Variants in PRSS58 observed in about 807,000 individuals in gnomAD.
PRSS58 encodes the protein serine protease 58.
Under a neutral mutation model 25.0 loss-of-function variants are expected in PRSS58, and 31 were observed. The ratio of observed to expected loss-of-function variants is 1.24; its 90% CI spans 0.93 to 1.67. The LOEUF (loss-of-function observed/expected upper bound fraction) is 1.67, where lower values mean the gene tolerates loss of function less well. PRSS58 is among the 40% of genes most tolerant of loss of function. PRSS58 has a pLI of 0.00. For missense variants in PRSS58, 324 were observed against 287.9 expected, an observed-to-expected ratio of 1.13 and a Z score of -0.91; for synonymous variants, 119 against 106.1, an observed-to-expected ratio of 1.12 and a Z score of -0.75.
chr7:142,252,704 T>C, intron 4 of PRSS58, 93 bp from the exon 5 acceptor site: 1 of 1,339,182 alleles, frequency 7.5e-7, no homozygotes, highest in Non-Finnish European at 1.0e-6. Context: ...CATCAGAAAT[T>C]AAAAGAGATC....
intron 2 of PRSS58, 75 bp downstream of exon 2, chr7:142,257,593 C>G (rs143636658): frequency 2.4e-6 from 3 of 1,275,666 alleles, no homozygotes; most frequent in Non-Finnish European, 3.4e-6. Context: ...TGATGCCTCT[C>G]GCTGTTACCC....
chr7:142,256,521 T>G (rs1215874826), intron 2 of PRSS58, among the ~76,000 whole-genome samples: 1 of 152,192 alleles, frequency 6.6e-6, no homozygotes, highest in East Asian at 1.9e-4. Context: ...TGGAGTGCAG[T>G]GGCAAGATCA....
At chr7:142,254,954 G>C in intron 4 of PRSS58, 101 bp downstream of exon 4, 1 of 1,176,866 alleles carries the variant, frequency 8.5e-7, no homozygotes, top group Non-Finnish European at 1.2e-6. Context: ...GGGGGAAAGA[G>C]GTTAGAAGAA....
At position 142,256,762 on chromosome 7, in the gene PRSS58, A is replaced by G. The variant is rs148202645; in HGVS notation, c.40+906T>C. Reference sequence around the variant, plus strand: ...AGGCATGAGCCATTACTCCAGTCTCAGGTAATATTAAACCAGTCATCAGAG... The same window carrying G: ...AGGCATGAGCCATTACTCCAGTCTCGGGTAATATTAAACCAGTCATCAGAG... On this transcript the variant is annotated intron_variant, in intron 2 of 5. Coordinates refer to ENST00000547058, the MANE Select transcript of PRSS58 (RefSeq NM_001001317.5). 2.0e-4 allele frequency among the ~76,000 whole-genome samples: 31 copies of G among 152,274 alleles called. No homozygotes were observed. The East Asian group carries it at 6.0e-3, about 29-fold the overall frequency.
At chr7:142,253,628 A>G (rs1265036061) in intron 4 of PRSS58, among the ~76,000 whole-genome samples, 1 of 143,014 alleles carries the variant, frequency 7.0e-6, no homozygotes, top group Non-Finnish European at 1.5e-5. Flanking sequence ...TAATGTTTTT[A>G]TTTGAAAATA....
In PRSS58 at chr7:142,255,682, A is replaced by G. The variant is rs1471883864; in HGVS notation, c.41-9T>C. 1.3e-6 allele frequency: 2 copies of G among 1,590,542 alleles called. No homozygotes were observed. The highest frequency in any genetic ancestry group is 1.4e-5 in the African/African-American group (1 of 74,014). ...ATTAAAGGCCAAAGCAACTGGAAAG[A>G]GAAGCATAGACAAGAAATTCCAAGA... is the stretch of plus-strand genomic sequence containing the variant. On this transcript the variant is annotated splice_polypyrimidine_tract_variant and intron_variant, in intron 2 of 5. Coordinates refer to ENST00000547058, the MANE Select transcript of PRSS58 (RefSeq NM_001001317.5).
At chr7:142,255,752 G>T in intron 2 of PRSS58, 79 bp from the exon 3 acceptor site, 1 of 1,307,538 alleles carries the variant, frequency 7.6e-7, no homozygotes, top group Non-Finnish European at 1.1e-6. Flanking sequence ...TCATTTAATA[G>T]GCTCCAAGTT....
In PRSS58 at chr7:142,252,356, G is replaced by A; in HGVS notation, c.591C>T (p.Ala197=). 1.9e-6 allele frequency: 3 copies of A among 1,613,476 alleles called. No homozygotes were observed. The South Asian group carries it at 3.3e-5, about 18-fold the overall frequency. The change falls in exon 6 of 6, where the codon GCC becomes GCT. Residue 197 remains alanine, a synonymous_variant. Transcript: ENST00000547058. ...GAAGCATCCCATTGCAGATTGCCGG[G>A]GCAGCAGAAACTTCCTGCCAGGAAA... ...RRQPCKEVSA[A]PAICNGMLQG... is the part of the protein sequence containing the mutation.
intron 2 of PRSS58, 29 bp downstream of exon 2, chr7:142,257,639 G>A (rs1383463905): frequency 6.3e-7 from 1 of 1,582,204 alleles, no homozygotes; most frequent in Non-Finnish European, 8.7e-7. Flanking sequence ...CTCTTTGGTG[G>A]GTAAAGAGAC....
chr7:142,253,827 C>A (rs1799401012), intron 4 of PRSS58, among the ~76,000 whole-genome samples: 1 of 152,050 alleles, frequency 6.6e-6, no homozygotes, highest in Admixed American at 6.6e-5. Flanking sequence ...TATGCCATAA[C>A]CCAGATGAAT....
intron 4 of PRSS58, among the ~76,000 whole-genome samples, chr7:142,253,196 AC>A (rs1798498342): frequency 6.6e-6 from 1 of 152,126 alleles, no homozygotes; most frequent in Admixed American, 6.5e-5. Flanking sequence ...AAACCCAAAA[AC>A]TTTTCTGGAA....
intron 4 of PRSS58, 102 bp from the exon 5 acceptor site, chr7:142,252,713 T>C: frequency 7.9e-7 from 1 of 1,271,486 alleles, no homozygotes; most frequent in Non-Finnish European, 1.1e-6. Context: ...TTAAAAGAGA[T>C]CAAACATTCA....
rs756249398 is a variant in PRSS58, at chr7:142,252,383, CAAT to C, written c.577-16_577-14del. The C allele has an allele frequency of 9.7e-5, 157 of 1,611,288 alleles. No individual in the cohort carries two copies. The highest frequency in any genetic ancestry group is 6.9e-4 in the East Asian group (31 of 44,868). ...CAGCAGAAACTTCCTGCCAGGAAAA[CAAT>C]AATAACAACAACAAAAAAGCAGATT... On this transcript the variant is annotated splice_polypyrimidine_tract_variant and intron_variant, in intron 5 of 5. Transcript: ENST00000547058.
intron 4 of PRSS58, among the ~76,000 whole-genome samples, chr7:142,254,411 A>G (rs557685606): frequency 6.6e-6 from 1 of 152,298 alleles, no homozygotes; most frequent in East Asian, 1.9e-4. Flanking sequence ...CAAAGTTTAG[A>G]TAGACTATCT....
Position 142,255,412 on chromosome 7 carries a change from C to T in PRSS58, c.180-101G>A, listed in dbSNP as rs879485656. On this transcript the variant is annotated intron_variant, in intron 3 of 5. Transcript: ENST00000547058. ...CCCCACAGACCTTTTTCTGTACCCT[C>T]GTATGTCTCCCAAAGGCTTTTCTAA... 73 of 1,575,746 alleles carry T rather than the reference C, an allele frequency of 4.6e-5. 1 individual carries two copies. The Admixed American group carries it at 1.0e-3, about 22-fold the overall frequency.
Position 142,255,498 on chromosome 7 carries a change from C to T in PRSS58, c.179+37G>A, listed in dbSNP as rs759854057. 3.1e-6 allele frequency: 5 copies of T among 1,613,540 alleles called. No individual in the cohort carries two copies. The South Asian group carries it at 5.5e-5, about 18-fold the overall frequency. On this transcript the variant is annotated intron_variant, in intron 3 of 5. Transcript: ENST00000547058. ...GAGAGTCTGTGCCCAACCTGAGAAC[C>T]CAAAGAATGGAGTGCCTTTGAAGGC...
Position 142,252,621 on chromosome 7 carries a change from A to T in PRSS58, c.437-10T>A, listed in dbSNP as rs765918003. On this transcript the variant is annotated splice_polypyrimidine_tract_variant and intron_variant, in intron 4 of 5. Transcript: ENST00000547058. The stretch of plus-strand genomic sequence containing the variant: ...GAATCGGGCTCTTTGTCTAAAGAAA[A>T]GATAGAAGTCAAACTTCCTTAAGAG... 2.6e-5 allele frequency: 41 copies of T among 1,599,960 alleles called. No individual in the cohort carries two copies. The highest frequency in any genetic ancestry group is 3.3e-5 in the Non-Finnish European group (39 of 1,176,806).
At chr7:142,253,642 T>C (rs375191370) in intron 4 of PRSS58, among the ~76,000 whole-genome samples, 170 of 152,266 alleles carry the variant, frequency 1.1e-3, no homozygotes, top group African/African-American at 3.5e-3. Context: ...GAAAATAATG[T>C]ATTAGTTCTT....
Position 142,255,576 on chromosome 7 carries a change from G to C in PRSS58, c.138C>G (p.Ile46Met), listed in dbSNP as rs1563317801. Reference protein sequence around the residue: ...SDYLPCAGVLIHPLWVITAAH... With the variant: ...SDYLPCAGVLMHPLWVITAAH... Reference sequence around the variant, plus strand: ...CAGCTGTGATCACCCAAAGCGGGTGGATCAGGACTCCAGCGCAGGGCAAGT... The same window carrying C: ...CAGCTGTGATCACCCAAAGCGGGTGCATCAGGACTCCAGCGCAGGGCAAGT... The change falls in exon 3 of 6, where the codon ATC (isoleucine) becomes ATG (methionine). Residue 46 changes from isoleucine (I) to methionine (M), a missense_variant. Coordinates refer to ENST00000547058, the MANE Select transcript of PRSS58 (RefSeq NM_001001317.5). 1 of 1,613,982 alleles carries C rather than the reference G, an allele frequency of 6.2e-7. No homozygotes were observed. Among genetic ancestry groups the C allele is most frequent in the Non-Finnish European group, 8.5e-7 (1 of 1,180,002 alleles).
Sources: gnomAD v4.1 joint callset for allele counts (sites outside exome capture counted in the v4.1 genomes callset) on GRCh38, gnomAD v4.1.1 for gene constraint, MANE v1.5 for transcripts, NCBI Gene and HGNC (gene_info 2026-07-23, HGNC 2026-07-21) for gene names.